The following PCMTD1 variants were observed in gnomAD, a reference collection of about 807,000 sequenced individuals.
PCMTD1 encodes protein-L-isoaspartate (D-aspartate) O-methyltransferase domain containing 1.
Under a neutral mutation model 37.6 loss-of-function variants are expected in PCMTD1, and 12 were observed. The ratio of observed to expected loss-of-function variants is 0.32; its 90% CI spans 0.20 to 0.52. PCMTD1 has a LOEUF of 0.52. Ranked by LOEUF, PCMTD1 falls within the 20% of genes least tolerant of loss-of-function variation. The probability of loss-of-function intolerance (pLI) is 0.97; values close to 1 mark genes in which losing one functional copy is unlikely to be tolerated. For missense variants in PCMTD1, 235 were observed against 421.3 expected (o/e 0.56, Z 3.87); for synonymous variants, 117 against 135.8 (o/e 0.86, Z 0.96).
At chr8:51,840,504 A>C (rs569986149) in intron 3 of PCMTD1, among the ~76,000 whole-genome samples, 13 of 152,266 alleles carry the variant, frequency 8.5e-5, no homozygotes, top group African/African-American at 3.1e-4. Flanking sequence ...ACTACTTCTA[A>C]ACATTATTAG....
chr8:51,858,284 A>G (rs1298975949), intron 2 of PCMTD1, among the ~76,000 whole-genome samples: 1 of 147,924 alleles, frequency 6.8e-6, no homozygotes, highest in Non-Finnish European at 1.5e-5. Context: ...AGAGTTTACT[A>G]CTAAATATGT....
chr8:51,862,436 G>C (rs532651093), intron 1 of PCMTD1, among the ~76,000 whole-genome samples: 1 of 152,204 alleles, frequency 6.6e-6, no homozygotes, highest in South Asian at 2.1e-4. Flanking sequence ...GCAAATGTAA[G>C]TGCAATTTGA....
intron 5 of PCMTD1, among the ~76,000 whole-genome samples, chr8:51,821,746 T>G (rs1407774853): frequency 6.6e-5 from 10 of 151,642 alleles, no homozygotes; most frequent in Middle Eastern, 3.4e-3. Context: ...TTTTGTTTTT[T>G]TTTTTTTTTG....
chr8:51,827,855 T>G (rs980807252), intron 5 of PCMTD1, among the ~76,000 whole-genome samples: 7 of 152,200 alleles, frequency 4.6e-5, no homozygotes, highest in Admixed American at 3.3e-4. Flanking sequence ...TCTATTGAAT[T>G]TATTCCTATT....
chr8:51,873,195 G>C (rs977138054), intron 1 of PCMTD1, among the ~76,000 whole-genome samples: 4 of 152,098 alleles, frequency 2.6e-5, no homozygotes, highest in Non-Finnish European at 4.4e-5. Context: ...ATAGAGGCAG[G>C]ATGCAAAGTA....
intron 1 of PCMTD1, among the ~76,000 whole-genome samples, chr8:51,877,033 TGAA>T (rs2038722420): frequency 6.6e-6 from 1 of 152,248 alleles, no homozygotes; most frequent in South Asian, 2.1e-4. Context: ...GAATGCCATC[TGAA>T]GTAGTCAAAA....
chr8:51,860,236 C>A (rs557003659), intron 2 of PCMTD1, among the ~76,000 whole-genome samples: 1 of 152,218 alleles, frequency 6.6e-6, no homozygotes, highest in Non-Finnish European at 1.5e-5. Context: ...AGTTAATACA[C>A]ACATACTGCT....
chr8:51,836,789 G>A (rs1196673987), intron 3 of PCMTD1, among the ~76,000 whole-genome samples: 2 of 152,094 alleles, frequency 1.3e-5, no homozygotes, highest in Non-Finnish European at 2.9e-5. Flanking sequence ...GCCCAGGCTT[G>A]TCTTGTACTC....
intron 3 of PCMTD1, among the ~76,000 whole-genome samples, chr8:51,843,796 T>G (rs1475109445): frequency 2.0e-5 from 3 of 152,138 alleles, no homozygotes; most frequent in African/African-American, 7.2e-5. Flanking sequence ...CAGAGTTGCT[T>G]CACTGATTCA....
At chr8:51,882,848 C>T (rs1463698407) in intron 1 of PCMTD1, among the ~76,000 whole-genome samples, 4 of 150,204 alleles carry the variant, frequency 2.7e-5, no homozygotes, top group Admixed American at 2.0e-4. Context: ...TAAAAAACGG[C>T]CGGACGCAGT....
chr8:51,865,190 A>G (rs1025443919), intron 1 of PCMTD1, among the ~76,000 whole-genome samples: 3 of 152,160 alleles, frequency 2.0e-5, no homozygotes, highest in African/African-American at 7.2e-5. Context: ...ATAATTAAGA[A>G]ATCTCCCATC....
At position 51,826,843 on chromosome 8, in the gene PCMTD1, T is replaced by C. The variant is rs185978482; in HGVS notation, c.706+4601A>G. On this transcript the variant is annotated intron_variant, in intron 5 of 5. Transcript: ENST00000522514. ...TCTTTCTTTTTAGAATGTCTTCTCC[T>C]CAACCCCAAACAAAAAAACCACAGA... 2,470 of 802,022 alleles carry C rather than the reference T, an allele frequency of 3.1e-3. 5 individuals carry two copies. The highest frequency in any genetic ancestry group is 3.5e-3 in the Non-Finnish European group (2,338 of 662,554). The allele number at this position is 802,022 out of a possible 1,614,324, so 49.7% of individuals were successfully genotyped here.
intron 3 of PCMTD1, among the ~76,000 whole-genome samples, chr8:51,833,896 T>G (rs1158786195): frequency 6.6e-6 from 1 of 152,204 alleles, no homozygotes; most frequent in Non-Finnish European, 1.5e-5. Flanking sequence ...GACGGACATG[T>G]GTTTTCAAAA....
chr8:51,817,755 C>T lies in PCMTD1; in HGVS notation c.*2596G>A. 2.3e-6 allele frequency: 1 copy of T among 429,526 alleles called. No homozygotes were observed. The highest frequency in any genetic ancestry group is 4.6e-6 in the Non-Finnish European group (1 of 215,824). The allele number at this position is 429,526 out of a possible 1,614,324, so 26.6% of individuals were successfully genotyped here. Reference sequence around the variant, plus strand: ...CATTTTTCTTTATTAATACTAGAACCAAATATATTGACCAATAAGCAGTAT... The same window carrying T: ...CATTTTTCTTTATTAATACTAGAACTAAATATATTGACCAATAAGCAGTAT... On this transcript the variant is annotated 3_prime_UTR_variant, in exon 6 of 6. Transcript: ENST00000522514.
chr8:51,849,889 T>A (rs929600082), intron 2 of PCMTD1: 1 of 601,856 alleles, frequency 1.7e-6, no homozygotes, highest in Non-Finnish European at 2.9e-6. Context: ...TGCTGATGAG[T>A]AGAAGACTGA....
At chr8:51,873,206 T>A (rs755760643) in intron 1 of PCMTD1, among the ~76,000 whole-genome samples, 5 of 152,172 alleles carry the variant, frequency 3.3e-5, no homozygotes, top group Non-Finnish European at 7.4e-5. Context: ...ATGCAAAGTA[T>A]TACCTGCACC....
intron 1 of PCMTD1, among the ~76,000 whole-genome samples, chr8:51,875,647 T>G (rs139645737): frequency 6.6e-6 from 1 of 152,142 alleles, no homozygotes; most frequent in East Asian, 1.9e-4. Context: ...AAGGATCATA[T>G]AGTGTGGGTG....
intron 1 of PCMTD1, among the ~76,000 whole-genome samples, chr8:51,865,056 C>T (rs2038531029): frequency 2.0e-5 from 3 of 152,090 alleles, no homozygotes; most frequent in Admixed American, 6.5e-5. Context: ...AGACTATGAA[C>T]AATTATCCAC....
At chr8:51,845,316 C>G in intron 3 of PCMTD1, 1 of 208,196 alleles carries the variant, frequency 4.8e-6, no homozygotes. Context: ...GAGGACAGAA[C>G]TACTAAATTA....
Sources: gnomAD v4.1 joint callset for allele counts (sites outside exome capture counted in the v4.1 genomes callset) on GRCh38, gnomAD v4.1.1 for gene constraint, MANE v1.5 for transcripts, NCBI Gene and HGNC (gene_info 2026-07-23, HGNC 2026-07-21) for gene names.